Variants in SOS2 observed in about 807,000 individuals in gnomAD.
The protein encoded by SOS2 is SOS Ras/Rho guanine nucleotide exchange factor 2, also known as son of sevenless homolog 2.
Under a neutral mutation model 148.2 loss-of-function variants are expected in SOS2, and 65 were observed. The observed-to-expected ratio is 0.44, with a 90% CI of 0.36 to 0.54. SOS2 has a LOEUF of 0.54. SOS2 is among the 20% of genes least tolerant of loss of function. The pLI is 0.00. For missense variants in SOS2, 1,341 were observed against 1,590.2 expected, an observed-to-expected ratio of 0.84 and a Z score of 2.67; for synonymous variants, 539 against 537.1, an observed-to-expected ratio of 1.00 and a Z score of -0.05.
At chr14:50,209,124 C>T (rs919589574) in intron 1 of SOS2, among the ~76,000 whole-genome samples, 4 of 152,184 alleles carry the variant, frequency 2.6e-5, no homozygotes, top group Admixed American at 2.0e-4. Flanking sequence ...GATACTCAGA[C>T]TGGAATTTAT....
chr14:50,229,032 C>T (rs1030673696), intron 1 of SOS2, among the ~76,000 whole-genome samples: 1 of 152,074 alleles, frequency 6.6e-6, no homozygotes, highest in Non-Finnish European at 1.5e-5. Context: ...GACAGAGACT[C>T]CCCCAAAATG....
intron 12 of SOS2, among the ~76,000 whole-genome samples, chr14:50,154,860 G>A (rs965135075): frequency 3.9e-5 from 6 of 152,126 alleles, no homozygotes; most frequent in Non-Finnish European, 5.9e-5. Flanking sequence ...CTTGAAAGGC[G>A]TTTGGATTAT....
Position 50,127,138 on chromosome 14 carries a change from CTT to C in SOS2, c.3379+2821_3379+2822del, listed in dbSNP as rs5808538. ...CTTCCTTTGTAACTAAGAAGGTCTC[CTT>C]TTTTTTTTTTTTTTTTTTGAGACAG... On this transcript the variant is annotated intron_variant, in intron 21 of 22. Transcript: ENST00000216373. 4.2e-3 allele frequency among the ~76,000 whole-genome samples: 443 copies of C among 105,306 alleles called. 2 individuals are homozygous for C. The highest frequency in any genetic ancestry group is 0.013 in the South Asian group (45 of 3,426). 69.1% of individuals were successfully genotyped at this position (105,306 alleles called of 152,430 possible).
chr14:50,187,559 C>G (rs544824903), intron 5 of SOS2, among the ~76,000 whole-genome samples: 1 of 151,670 alleles, frequency 6.6e-6, no homozygotes, highest in Non-Finnish European at 1.5e-5. Context: ...CCGTGTTAGC[C>G]AGGATGGTCT....
chr14:50,214,138 CTTT>C (rs1886971908), intron 1 of SOS2, among the ~76,000 whole-genome samples: 1 of 151,876 alleles, frequency 6.6e-6, no homozygotes, highest in African/African-American at 2.4e-5. Context: ...AGCGAATTAT[CTTT>C]TTATTTACAT....
At chr14:50,185,345 G>A (rs969487307) in intron 5 of SOS2, among the ~76,000 whole-genome samples, 6 of 152,114 alleles carry the variant, frequency 3.9e-5, no homozygotes, top group African/African-American at 1.4e-4. Context: ...TTTGGTGTAT[G>A]GGGAAAAAAT....
At chr14:50,217,257 T>C (rs1211159742) in intron 1 of SOS2, among the ~76,000 whole-genome samples, 2 of 152,082 alleles carry the variant, frequency 1.3e-5, no homozygotes, top group Non-Finnish European at 2.9e-5. Flanking sequence ...GATATCCATA[T>C]ACAAAAAAAC....
intron 18 of SOS2, among the ~76,000 whole-genome samples, chr14:50,135,404 C>CA (rs1566821611): frequency 1.3e-5 from 2 of 149,530 alleles, no homozygotes; most frequent in East Asian, 1.9e-4. Flanking sequence ...TTAGCACTGC[C>CA]AAAAAAAGAG....
chr14:50,182,232 ACT>A lies in SOS2; in HGVS notation c.858+229_858+230del, dbSNP rs1419522685. 4.6e-5 allele frequency among the ~76,000 whole-genome samples: 7 copies of A among 152,186 alleles called. No homozygotes were observed. In the East Asian group the frequency reaches 1.4e-3, roughly 29 times the overall value. On this transcript the variant is annotated intron_variant, in intron 6 of 22. Coordinates refer to ENST00000216373, the MANE Select transcript of SOS2 (RefSeq NM_006939.4). ...TTTTGTTTTTTGGAGACAGGGTCTCACTCTGTCGCCCAGGATGGAGTGCAGTG... is the reference window on the plus strand; with the variant it reads ...TTTTGTTTTTTGGAGACAGGGTCTCACTGTCGCCCAGGATGGAGTGCAGTG...
At chr14:50,190,774 T>G (rs1886104377) in intron 4 of SOS2, among the ~76,000 whole-genome samples, 1 of 152,044 alleles carries the variant, frequency 6.6e-6, no homozygotes, top group South Asian at 2.1e-4. Context: ...ATCCCTCCCT[T>G]CCCCACTGCT....
At chr14:50,183,360 C>T (rs1885804801) in intron 5 of SOS2, among the ~76,000 whole-genome samples, 1 of 150,658 alleles carries the variant, frequency 6.6e-6, no homozygotes, top group Admixed American at 6.6e-5. Flanking sequence ...GGTCAACGTA[C>T]TTTGGAAATA....
Position 50,130,632 on chromosome 14 carries a change from C to T in SOS2, c.3206G>A (p.Ser1069Asn). The T allele has an allele frequency of 6.2e-7, 1 of 1,614,154 alleles. No individual in the cohort carries two copies. Among genetic ancestry groups the T allele is most frequent in the East Asian group, 2.2e-5 (1 of 44,884 alleles). Reference sequence around the variant, plus strand: ...TTCCAGCTCAGTTTCAGCAATCCGACTAAAGCTTATTTTACATGGTTCTCT... The same window carrying T: ...TTCCAGCTCAGTTTCAGCAATCCGATTAAAGCTTATTTTACATGGTTCTCT... ...LEREPCKISF[S>N]RIAETELEST... The change falls in exon 20 of 23, where the codon AGT (serine) becomes AAT (asparagine). Residue 1069 changes from serine (S) to asparagine (N), a missense_variant. Around this residue, in one of 4 missense-constraint regions of SOS2, gnomAD observed 354 missense variants for 347.7 expected, o/e 1.02. Coordinates refer to ENST00000216373, the MANE Select transcript of SOS2 (RefSeq NM_006939.4).
At chr14:50,144,595 G>C (rs1375431583) in intron 16 of SOS2, among the ~76,000 whole-genome samples, 1 of 152,000 alleles carries the variant, frequency 6.6e-6, no homozygotes, top group Non-Finnish European at 1.5e-5. Flanking sequence ...GCGCCACCAT[G>C]CCCAGCTAAT....
chr14:50,231,164 C>A (rs780341059), intron 1 of SOS2, 33 bp downstream of exon 1: 3 of 1,309,766 alleles, frequency 2.3e-6, no homozygotes, highest in Non-Finnish European at 3.0e-6. Context: ...GGGCCACGGG[C>A]CACCCGCCGG....
intron 5 of SOS2, among the ~76,000 whole-genome samples, chr14:50,184,281 TA>T (rs1403420657): frequency 6.6e-6 from 1 of 152,172 alleles, no homozygotes; most frequent in Non-Finnish European, 1.5e-5. Flanking sequence ...TGGCATCTTA[TA>T]ATGGAAACAT....
chr14:50,156,371 T>A (rs1884821274), intron 12 of SOS2: 1 of 152,126 alleles, frequency 6.6e-6, no homozygotes, highest in Non-Finnish European at 1.5e-5. Flanking sequence ...TAGGTTTCAA[T>A]TTCCTTATAT....
At chr14:50,230,246 T>G (rs1220314003) in intron 1 of SOS2, among the ~76,000 whole-genome samples, 2 of 152,220 alleles carry the variant, frequency 1.3e-5, no homozygotes, top group Admixed American at 1.3e-4. Flanking sequence ...AATCTTTATT[T>G]TTTCCTTATT....
chr14:50,190,884 G>A (rs563230925), intron 4 of SOS2, among the ~76,000 whole-genome samples: 1 of 152,246 alleles, frequency 6.6e-6, no homozygotes, highest in Non-Finnish European at 1.5e-5. Flanking sequence ...AGGGAATTTG[G>A]TGATGAACTC....
intron 21 of SOS2, among the ~76,000 whole-genome samples, chr14:50,129,401 T>C (rs371972993): frequency 1.2e-4 from 19 of 152,352 alleles, no homozygotes; most frequent in African/African-American, 4.6e-4. Context: ...TTTTCTTTTT[T>C]TGAGATGGAG....
Sources: allele counts gnomAD v4.1 joint callset (sites outside exome capture counted in the v4.1 genomes callset), GRCh38; gene constraint gnomAD v4.1.1; regional missense constraint gnomAD v4.1.1; transcripts MANE v1.5; gene names NCBI Gene and HGNC (gene_info 2026-07-23, HGNC 2026-07-21).